The following CDH13 variants were observed in gnomAD, a reference collection of about 807,000 sequenced individuals.
The protein encoded by CDH13 is cadherin 13.
Under a neutral mutation model 63.8 loss-of-function variants are expected in CDH13, and 24 were observed. That is an observed-to-expected ratio of 0.38 (90% CI 0.27 to 0.53). The LOEUF is 0.53. CDH13 is among the 20% of genes least tolerant of loss of function. The probability of loss-of-function intolerance (pLI) is 0.85; values close to 1 mark genes in which losing one functional copy is unlikely to be tolerated. For missense variants in CDH13, 1,049 were observed against 903.1 expected, an observed-to-expected ratio of 1.16 and a Z score of -2.07; for synonymous variants, 503 against 355.3, an observed-to-expected ratio of 1.42 and a Z score of -4.67.
Position 82,852,132 on chromosome 16 carries a change from C to T in CDH13, c.46-6230C>T, listed in dbSNP as rs561633795. Among the ~76,000 whole-genome samples, 31 of 152,282 alleles carry T rather than the reference C, an allele frequency of 2.0e-4. No homozygotes were observed. In the East Asian group the frequency reaches 4.8e-3, roughly 24 times the overall value. On this transcript the variant is annotated intron_variant, in intron 1 of 13. Coordinates refer to ENST00000567109, the MANE Select transcript of CDH13 (RefSeq NM_001257.5). ...ACCTCGTGAGATTAATTATTTGTGGCAGGAAGTTTCTCTCTTTATTTGTGG... is the reference window on the plus strand; with the variant it reads ...ACCTCGTGAGATTAATTATTTGTGGTAGGAAGTTTCTCTCTTTATTTGTGG...
At chr16:83,403,062 A>AG (rs1261674100) in intron 6 of CDH13, among the ~76,000 whole-genome samples, 2 of 152,296 alleles carry the variant, frequency 1.3e-5, no homozygotes, top group African/African-American at 2.4e-5. Context: ...CTGAAGCCCA[A>AG]GGGGCAAACT....
At chr16:83,214,630 GGATA>G (rs777197292) in intron 4 of CDH13, among the ~76,000 whole-genome samples, 4 of 133,786 alleles carry the variant, frequency 3.0e-5, no homozygotes, top group African/African-American at 7.9e-5. Flanking sequence ...CCTCAGAAAA[GGATA>G]GAGATACCAT....
At chr16:83,349,581 CATT>C (rs59255073) in intron 6 of CDH13, among the ~76,000 whole-genome samples, 113,535 of 144,934 alleles carry the variant, frequency 0.78, 43,843 homozygotes, top group African/African-American at 0.83. Flanking sequence ...ACTTGAGGTG[CATT>C]ATTATTATTA....
intron 7 of CDH13, among the ~76,000 whole-genome samples, chr16:83,530,415 T>G (rs1482796096): frequency 2.0e-5 from 3 of 152,188 alleles, no homozygotes; most frequent in Non-Finnish European, 4.4e-5. Flanking sequence ...CTAAAGTTGC[T>G]TCGTAGTCAC....
intron 3 of CDH13, among the ~76,000 whole-genome samples, chr16:83,038,229 G>T (rs547193216): frequency 1.7e-4 from 26 of 152,252 alleles, no homozygotes; most frequent in African/African-American, 6.3e-4. Flanking sequence ...TTTAATAAAA[G>T]GAGCCTGGCC....
At chr16:83,099,112 T>A (rs548757570) in intron 3 of CDH13, among the ~76,000 whole-genome samples, 4 of 152,152 alleles carry the variant, frequency 2.6e-5, no homozygotes, top group Non-Finnish European at 4.4e-5. Flanking sequence ...ATAGTGTTCA[T>A]ACATATAAGA....
rs114062011 is a variant in CDH13, at chr16:83,359,311, C to G, written c.781+14305C>G. Among the ~76,000 whole-genome samples the G allele has an allele frequency of 8.8e-3, 1,334 of 152,270 alleles. 16 individuals carry two copies. The highest frequency in any genetic ancestry group is 0.03 in the African/African-American group (1,237 of 41,540). On this transcript the variant is annotated intron_variant, in intron 6 of 13. Coordinates refer to ENST00000567109, the MANE Select transcript of CDH13 (RefSeq NM_001257.5). ...ACTCTTTTGATCATGAGGCTAATAA[C>G]AATGCCCCAAAAGGATGGCTGTGAA... is the stretch of plus-strand genomic sequence containing the variant.
chr16:83,082,501 T>C (rs2151565627), intron 3 of CDH13, among the ~76,000 whole-genome samples: 1 of 151,868 alleles, frequency 6.6e-6, no homozygotes, highest in African/African-American at 2.4e-5. Flanking sequence ...GGTGTGGTGG[T>C]GGGTACCTGT....
intron 1 of CDH13, among the ~76,000 whole-genome samples, chr16:82,840,694 A>G (rs886313054): frequency 6.6e-6 from 1 of 151,792 alleles, no homozygotes; most frequent in African/African-American, 2.4e-5. Flanking sequence ...CAAAAAAAAA[A>G]AAAAAAAAGA....
At chr16:82,767,964 A>T (rs2035123992) in intron 1 of CDH13, among the ~76,000 whole-genome samples, 1 of 152,192 alleles carries the variant, frequency 6.6e-6, no homozygotes. Flanking sequence ...CTCAAAGAGA[A>T]ACGAAGAGTG....
intron 1 of CDH13, among the ~76,000 whole-genome samples, chr16:82,654,207 G>T (rs1238395327): frequency 6.6e-6 from 1 of 152,140 alleles, no homozygotes; most frequent in Non-Finnish European, 1.5e-5. Context: ...GAGATTCTGG[G>T]GAGACAGCAG....
chr16:82,965,677 G>C (rs989686264), intron 2 of CDH13, among the ~76,000 whole-genome samples: 1 of 152,124 alleles, frequency 6.6e-6, no homozygotes. Context: ...ATTTTTAGTA[G>C]TGACGGGGTT....
At chr16:83,288,557 G>T (rs1362602530) in intron 5 of CDH13, among the ~76,000 whole-genome samples, 1 of 152,172 alleles carries the variant, frequency 6.6e-6, no homozygotes, top group Admixed American at 6.5e-5. Flanking sequence ...CAAGCTGAAG[G>T]AGCCACACAG....
At chr16:83,523,721 A>G (rs1285696266) in intron 7 of CDH13, among the ~76,000 whole-genome samples, 2 of 152,306 alleles carry the variant, frequency 1.3e-5, no homozygotes, top group South Asian at 2.1e-4. Context: ...GTCCGGTTGC[A>G]CATCCCAGAA....
intron 1 of CDH13, among the ~76,000 whole-genome samples, chr16:82,735,045 G>C (rs2033601267): frequency 6.6e-6 from 1 of 152,172 alleles, no homozygotes; most frequent in Non-Finnish European, 1.5e-5. Context: ...TGAACCAGGA[G>C]GTGGCCAAGA....
chr16:83,309,536 C>G (rs1010275964), intron 5 of CDH13, among the ~76,000 whole-genome samples: 1 of 152,222 alleles, frequency 6.6e-6, no homozygotes, highest in African/African-American at 2.4e-5. Context: ...GCCGCCACGC[C>G]CAGCTCATTT....
At chr16:83,584,003 C>T (rs1339850406) in intron 7 of CDH13, among the ~76,000 whole-genome samples, 1 of 152,050 alleles carries the variant, frequency 6.6e-6, no homozygotes, top group Non-Finnish European at 1.5e-5. Flanking sequence ...GCTGTTTTCA[C>T]TATGCCATAA....
At position 83,164,971 on chromosome 16, in the gene CDH13, C is replaced by T. The variant is rs1432309713; in HGVS notation, c.483+39470C>T. Among the ~76,000 whole-genome samples, 4 of 151,222 alleles carry T rather than the reference C, an allele frequency of 2.6e-5. No homozygotes were observed. The South Asian group carries it at 6.3e-4, about 24-fold the overall frequency. ...GGTAAAACCATGGCAGAACTGGAGA[C>T]AATCCAGGCAGCCTGGCTCCAAAAC... On this transcript the variant is annotated intron_variant, in intron 4 of 13. Transcript: ENST00000567109.
chr16:83,365,673 A>T (rs1449980859), intron 6 of CDH13, among the ~76,000 whole-genome samples: 1 of 152,172 alleles, frequency 6.6e-6, no homozygotes, highest in Non-Finnish European at 1.5e-5. Context: ...AGGTAATCAC[A>T]TGGGCCCTTT....
Sources: allele counts gnomAD v4.1 joint callset (sites outside exome capture counted in the v4.1 genomes callset), GRCh38; gene constraint gnomAD v4.1.1; transcripts MANE v1.5; gene names NCBI Gene and HGNC (gene_info 2026-07-23, HGNC 2026-07-21).